DPF3: variants seen among roughly 807,000 people sequenced by gnomAD.
DPF3 encodes the protein zinc finger protein DPF3.
A neutral mutation model predicts 56.8 loss-of-function variants in DPF3; 18 were observed. The observed-to-expected ratio is 0.32, with a 90% CI of 0.22 to 0.47. The LOEUF (loss-of-function observed/expected upper bound fraction) is 0.47, where lower values mean the gene tolerates loss of function less well. Among genes scored for constraint, DPF3 ranks in the 20% least tolerant of loss-of-function variants. The pLI is 1.00. For synonymous variants in DPF3, 188 were observed against 180.2 expected (o/e 1.04, Z -0.35); for missense variants, 403 against 488.8 (o/e 0.82, Z 1.65).
chr14:72,632,721 GGAAGGGAAA>G (rs143619665), intron 8 of DPF3, among the ~76,000 whole-genome samples: 34,371 of 125,814 alleles, frequency 0.27, 5,745 homozygotes, highest in East Asian at 0.64. Flanking sequence ...AGGAAGGGAA[GGAAGGGAAA>G]GAAGGGAAGG....
rs115684550 is a variant in DPF3, at chr14:72,609,600, G to A, written c.*9697C>T. Reference sequence around the variant, plus strand: ...TCACGTTAGGAACCACGAAAGAGTGGGAACCTGACACACGTGGGAAGGGCA... The same window carrying A: ...TCACGTTAGGAACCACGAAAGAGTGAGAACCTGACACACGTGGGAAGGGCA... On this transcript the variant is annotated 3_prime_UTR_variant, in exon 11 of 11. Transcript: ENST00000556509. Among the ~76,000 whole-genome samples, 62 of 152,252 alleles carry A rather than the reference G, an allele frequency of 4.1e-4. No homozygotes were observed. Among genetic ancestry groups the A allele is most frequent in the African/African-American group, 1.3e-3 (52 of 41,534 alleles).
chr14:72,756,928 A>AAAAGAAGAGAAGAGAAG (rs1890852827), intron 2 of DPF3, among the ~76,000 whole-genome samples: 1 of 139,048 alleles, frequency 7.2e-6, no homozygotes, highest in African/African-American at 3.1e-5. Context: ...GAAAGAAAGA[A>AAAAGAAGAGAAGAGAAG]AGAAGAGAAG....
intron 7 of DPF3, among the ~76,000 whole-genome samples, chr14:72,674,972 G>C (rs566882321): frequency 6.6e-6 from 1 of 152,336 alleles, no homozygotes; most frequent in East Asian, 1.9e-4. Flanking sequence ...CTGAAGTCCA[G>C]ACCCATTGAT....
chr14:72,639,137 T>G (rs1885471089), intron 8 of DPF3, among the ~76,000 whole-genome samples: 1 of 152,180 alleles, frequency 6.6e-6, no homozygotes, highest in Non-Finnish European at 1.5e-5. Flanking sequence ...TAGTCTAATT[T>G]TGAGTGTTCT....
At chr14:72,768,701 T>C (rs1203907611) in intron 2 of DPF3, among the ~76,000 whole-genome samples, 1 of 152,158 alleles carries the variant, frequency 6.6e-6, no homozygotes, top group African/African-American at 2.4e-5. Flanking sequence ...CAAACCCTGA[T>C]AAGTGAAAGC....
intron 5 of DPF3, among the ~76,000 whole-genome samples, chr14:72,715,653 C>A (rs1435169584): frequency 6.6e-6 from 1 of 151,966 alleles, no homozygotes; most frequent in Non-Finnish European, 1.5e-5. Flanking sequence ...CACACACACT[C>A]CATGTACACA....
intron 8 of DPF3, chr14:72,670,383 GC>G: frequency 2.0e-6 from 2 of 986,096 alleles, no homozygotes; most frequent in Non-Finnish European, 2.4e-6. Context: ...AGCCCAGGAG[GC>G]GGCTGGTCAG....
At chr14:72,873,831 C>A (rs937503047) in intron 1 of DPF3, among the ~76,000 whole-genome samples, 13 of 151,598 alleles carry the variant, frequency 8.6e-5, no homozygotes, top group East Asian at 3.9e-4. Flanking sequence ...GGACAAAAAA[C>A]CAAACACCAC....
chr14:72,854,393 T>C (rs977884118), intron 1 of DPF3, among the ~76,000 whole-genome samples: 2 of 152,198 alleles, frequency 1.3e-5, no homozygotes, highest in African/African-American at 4.8e-5. Flanking sequence ...CAAATCATCT[T>C]TTATTCTCTT....
chr14:72,864,980 G>T (rs745365472), intron 1 of DPF3, among the ~76,000 whole-genome samples: 8 of 152,202 alleles, frequency 5.3e-5, no homozygotes, highest in Admixed American at 3.3e-4. Flanking sequence ...AGGAGCCAAA[G>T]ATGATGCTCA....
intron 1 of DPF3, among the ~76,000 whole-genome samples, chr14:72,789,238 G>C (rs548407617): frequency 1.3e-5 from 2 of 152,254 alleles, no homozygotes; most frequent in Non-Finnish European, 2.9e-5. Flanking sequence ...TCCCTGCTTA[G>C]AAACAGGAAC....
chr14:72,703,705 A>C (rs1002689893), intron 6 of DPF3, among the ~76,000 whole-genome samples: 1 of 152,180 alleles, frequency 6.6e-6, no homozygotes, highest in Non-Finnish European at 1.5e-5. Context: ...CAAGGGCAAT[A>C]ACAGTTTGTA....
intron 1 of DPF3, among the ~76,000 whole-genome samples, chr14:72,774,262 T>TG (rs1891665594): frequency 4.9e-5 from 3 of 61,014 alleles, no homozygotes; most frequent in African/African-American, 1.9e-4. Context: ...AGACTCTGTC[T>TG]AAAAAAAAAA....
At chr14:72,646,991 G>A (rs981069986) in intron 8 of DPF3, among the ~76,000 whole-genome samples, 3 of 152,204 alleles carry the variant, frequency 2.0e-5, no homozygotes, top group Non-Finnish European at 2.9e-5. Flanking sequence ...TGCTGCCAGC[G>A]TCTCCTGGGG....
At chr14:72,751,158 C>T (rs1890557215) in intron 3 of DPF3, among the ~76,000 whole-genome samples, 1 of 151,852 alleles carries the variant, frequency 6.6e-6, no homozygotes, top group Admixed American at 6.6e-5. Context: ...CTACTGCACA[C>T]CAGACTGGGC....
chr14:72,735,293 C>T (rs533657514), intron 3 of DPF3, among the ~76,000 whole-genome samples: 17 of 152,300 alleles, frequency 1.1e-4, no homozygotes, highest in African/African-American at 4.1e-4. Context: ...CGATCATCCC[C>T]GTGCAATGTT....
chr14:72,878,238 T>G (rs571308245), intron 1 of DPF3, among the ~76,000 whole-genome samples: 5 of 152,252 alleles, frequency 3.3e-5, no homozygotes, highest in African/African-American at 7.2e-5. Flanking sequence ...ACAGAATTAT[T>G]TGGAGGACAT....
chr14:72,736,179 T>C (rs976595927), intron 3 of DPF3, among the ~76,000 whole-genome samples: 1 of 152,224 alleles, frequency 6.6e-6, no homozygotes, highest in African/African-American at 2.4e-5. Context: ...TTGTATCCGA[T>C]CTGGTATTTC....
chr14:72,882,710 A>T (rs2140126065), intron 1 of DPF3, among the ~76,000 whole-genome samples: 1 of 152,260 alleles, frequency 6.6e-6, no homozygotes, highest in South Asian at 2.1e-4. Flanking sequence ...TCCTCAGGGA[A>T]AATAATTAGC....
Sources: allele counts gnomAD v4.1 joint callset (sites outside exome capture counted in the v4.1 genomes callset), GRCh38; gene constraint gnomAD v4.1.1; transcripts MANE v1.5; gene names NCBI Gene and HGNC (gene_info 2026-07-23, HGNC 2026-07-21).